The following DOCK5 variants were observed in gnomAD, a reference collection of about 807,000 sequenced individuals.
The protein encoded by DOCK5 is dedicator of cytokinesis protein 5.
DOCK5 carries 142 observed loss-of-function variants against 251.8 expected under a neutral mutation model. That is an observed-to-expected ratio of 0.56 (90% CI 0.49 to 0.65). The LOEUF (loss-of-function observed/expected upper bound fraction) is 0.65, where lower values mean the gene tolerates loss of function less well. DOCK5 is among the 30% of genes least tolerant of loss of function. The probability of loss-of-function intolerance (pLI) is 0.00; values close to 1 mark genes in which losing one functional copy is unlikely to be tolerated. For missense variants in DOCK5, 2,111 were observed against 2,312.3 expected, an observed-to-expected ratio of 0.91 and a Z score of 1.79; for synonymous variants, 842 against 835.5, an observed-to-expected ratio of 1.01 and a Z score of -0.13.
chr8:25,220,381 TTCTC>T (rs886516883), intron 1 of DOCK5, among the ~76,000 whole-genome samples: 1 of 152,190 alleles, frequency 6.6e-6, no homozygotes, highest in Non-Finnish European at 1.5e-5. Context: ...TTTGTTCTCT[TTCTC>T]TCTAAGACTT....
intron 40 of DOCK5, among the ~76,000 whole-genome samples, chr8:25,386,787 G>C (rs2117312101): frequency 6.6e-6 from 1 of 152,210 alleles, no homozygotes; most frequent in East Asian, 1.9e-4. Flanking sequence ...AAGAACACCA[G>C]ACTTTCAAGT....
chr8:25,392,262 C>T (rs1322221980), intron 43 of DOCK5, among the ~76,000 whole-genome samples: 1 of 149,934 alleles, frequency 6.7e-6, no homozygotes, highest in Non-Finnish European at 1.5e-5. Context: ...TGAGGTCGCA[C>T]CACTGCACTC....
intron 22 of DOCK5, among the ~76,000 whole-genome samples, chr8:25,340,630 G>A (rs753359920): frequency 1.3e-4 from 20 of 152,286 alleles, no homozygotes; most frequent in Non-Finnish European, 2.5e-4. Flanking sequence ...GGCCAGCATC[G>A]GCACGGGCAG....
chr8:25,187,466 C>T (rs567362695), intron 1 of DOCK5, among the ~76,000 whole-genome samples: 2 of 151,442 alleles, frequency 1.3e-5, no homozygotes, highest in South Asian at 2.1e-4. Context: ...ATTCTGAACA[C>T]TTATTTCACC....
chr8:25,302,068 A>G (rs1366260788), intron 9 of DOCK5, among the ~76,000 whole-genome samples: 3 of 152,218 alleles, frequency 2.0e-5, no homozygotes, highest in East Asian at 3.8e-4. Context: ...GAGACTTCCA[A>G]CGGGCTGTGA....
chr8:25,213,678 A>T (rs904290172), intron 1 of DOCK5, among the ~76,000 whole-genome samples: 6 of 152,220 alleles, frequency 3.9e-5, no homozygotes, highest in African/African-American at 1.4e-4. Flanking sequence ...CCCAAAGAAA[A>T]GCAGTAATGC....
At chr8:25,327,995 A>G (rs1805602755) in intron 18 of DOCK5, among the ~76,000 whole-genome samples, 1 of 152,176 alleles carries the variant, frequency 6.6e-6, no homozygotes, top group Non-Finnish European at 1.5e-5. Context: ...CTGCAAATAC[A>G]TACAATTTTT....
At chr8:25,208,880 C>G (rs1209331209) in intron 1 of DOCK5, among the ~76,000 whole-genome samples, 1 of 152,160 alleles carries the variant, frequency 6.6e-6, no homozygotes, top group Non-Finnish European at 1.5e-5. Flanking sequence ...TTCCCTCCCT[C>G]CCTGCACTCC....
chr8:25,359,168 T>G, intron 28 of DOCK5, 107 bp downstream of exon 28: 1 of 889,302 alleles, frequency 1.1e-6, no homozygotes, highest in South Asian at 1.5e-5. Flanking sequence ...CCCACGCACC[T>G]CCGGTGCTAT....
chr8:25,260,809 T>C (rs1276159325), intron 2 of DOCK5, among the ~76,000 whole-genome samples: 1 of 151,926 alleles, frequency 6.6e-6, no homozygotes, highest in Non-Finnish European at 1.5e-5. Context: ...TTTTTTTTTT[T>C]TAAACGGACA....
At chr8:25,369,710 G>C in intron 34 of DOCK5, 69 bp downstream of exon 34, 2 of 1,389,768 alleles carry the variant, frequency 1.4e-6, no homozygotes, top group African/African-American at 1.4e-5. Flanking sequence ...CAGGGGTCCT[G>C]TTTCACCAAT....
intron 21 of DOCK5, among the ~76,000 whole-genome samples, 157 bp downstream of exon 21, chr8:25,334,353 C>A (rs1409920294): frequency 2.0e-5 from 3 of 152,154 alleles, no homozygotes; most frequent in Admixed American, 2.0e-4. Context: ...AAAAGGGAAC[C>A]ATCTAAGTAT....
intron 36 of DOCK5, 145 bp from the exon 37 acceptor site, chr8:25,374,419 C>T: frequency 3.9e-6 from 3 of 770,714 alleles, no homozygotes; most frequent in Non-Finnish European, 6.2e-6. Context: ...CACTTGAGCC[C>T]TGGGGCTTAA....
In DOCK5 at chr8:25,302,181, G is replaced by A. The variant is rs959668164; in HGVS notation, c.847-144G>A. 1.9e-5 allele frequency: 23 copies of A among 1,204,156 alleles called. No homozygotes were observed. In the African/African-American group the frequency reaches 3.2e-4, roughly 17 times the overall value. The allele number at this position is 1,204,156 out of a possible 1,614,324, so 74.6% of individuals were successfully genotyped here. On this transcript the variant is annotated intron_variant, in intron 9 of 51. Transcript: ENST00000276440. Reference sequence around the variant, plus strand: ...GCCATAATAGCTCTTGGATGGAGATGGGGGAGAAGAGAGTCGTTCTAATAC... The same window carrying A: ...GCCATAATAGCTCTTGGATGGAGATAGGGGAGAAGAGAGTCGTTCTAATAC...
rs919489663 is a variant in DOCK5 at position 25,285,220 on chromosome 8, A to G, written c.321+6555A>G. Among the ~76,000 whole-genome samples, 7 of 152,140 alleles carry G rather than the reference A, an allele frequency of 4.6e-5. No individual in the cohort carries two copies. The East Asian group carries it at 1.2e-3, about 25-fold the overall frequency. ...GAGTGCAGTAGTGAGATCTTGGCGC[A>G]CTGCAACCTCTGCCTCCAGGGTTCA... On this transcript the variant is annotated intron_variant, in intron 5 of 51. Transcript: ENST00000276440.
intron 2 of DOCK5, among the ~76,000 whole-genome samples, chr8:25,251,361 G>A (rs1586265716): frequency 6.7e-6 from 1 of 149,146 alleles, no homozygotes; most frequent in East Asian, 1.9e-4. Context: ...ACAAATGCTT[G>A]GACTGGAACC....
chr8:25,223,895 T>TA (rs1471720915), intron 1 of DOCK5, among the ~76,000 whole-genome samples: 1 of 152,222 alleles, frequency 6.6e-6, no homozygotes, highest in Non-Finnish European at 1.5e-5. Context: ...AGGCTCATCA[T>TA]AACAGACAGT....
intron 38 of DOCK5, among the ~76,000 whole-genome samples, chr8:25,379,131 G>A (rs1225050802): frequency 7.2e-5 from 11 of 152,294 alleles, no homozygotes; most frequent in South Asian, 2.1e-4. Flanking sequence ...AGCGGTGCAC[G>A]TATAGTCTTG....
chr8:25,342,359 G>A, intron 24 of DOCK5, 42 bp from the exon 25 acceptor site: 1 of 1,476,794 alleles, frequency 6.8e-7, no homozygotes, highest in Non-Finnish European at 9.3e-7. Flanking sequence ...CCTTCAATTT[G>A]GCAGAACGAA....
Sources: allele counts gnomAD v4.1 joint callset (sites outside exome capture counted in the v4.1 genomes callset), GRCh38; gene constraint gnomAD v4.1.1; transcripts MANE v1.5; gene names NCBI Gene and HGNC (gene_info 2026-07-23, HGNC 2026-07-21).